Variants in MSRB2 observed in about 807,000 individuals in gnomAD.
MSRB2 encodes the protein methionine sulfoxide reductase B2.
A neutral mutation model predicts 19.0 loss-of-function variants in MSRB2; 17 were observed. The ratio of observed to expected loss-of-function variants is 0.89; its 90% CI spans 0.61 to 1.34. The LOEUF (loss-of-function observed/expected upper bound fraction) is 1.34. Among genes scored for constraint, MSRB2 ranks in the 40% most tolerant of loss-of-function variants. The pLI is 0.00. For synonymous variants in MSRB2, 107 were observed against 99.7 expected (o/e 1.07, Z -0.44); for missense variants, 208 against 237.6 (o/e 0.88, Z 0.82).
intron 1 of MSRB2, 96 bp downstream of exon 1, chr10:23,095,822 C>A (rs1446473580): frequency 2.5e-6 from 2 of 815,190 alleles, no homozygotes; most frequent in East Asian, 3.6e-5. Context: ...CCAGGCCGGG[C>A]GCTGCCCTCC....
chr10:23,095,784 C>T, intron 1 of MSRB2, 58 bp downstream of exon 1: 2 of 1,140,624 alleles, frequency 1.8e-6, no homozygotes, highest in Non-Finnish European at 2.2e-6. Flanking sequence ...TTCATTTCAC[C>T]GGCTGCACCC....
intron 1 of MSRB2, among the ~76,000 whole-genome samples, chr10:23,102,156 G>A (rs903062327): frequency 1.1e-4 from 17 of 152,044 alleles, no homozygotes; most frequent in African/African-American, 3.9e-4. Flanking sequence ...AGACACACAC[G>A]CGCAAACGTA....
chr10:23,095,915 G>A (rs905195339), intron 1 of MSRB2, among the ~76,000 whole-genome samples, 189 bp downstream of exon 1: 1 of 151,930 alleles, frequency 6.6e-6, no homozygotes, highest in African/African-American at 2.4e-5. Flanking sequence ...TGGCGGCAGG[G>A]TGGGGACTGA....
chr10:23,120,945 T>G lies in MSRB2; in HGVS notation c.*83T>G. 1 of 1,115,650 alleles carries G rather than the reference T, an allele frequency of 9.0e-7. No homozygotes were observed. The highest frequency in any genetic ancestry group is 1.3e-6 in the Non-Finnish European group (1 of 758,630). 69.1% of individuals were successfully genotyped at this position (1,115,650 alleles called of 1,614,324 possible). ...AATTCACTTGAATGACTTGTTTTAT[T>G]TGCAATAAAACTGGGCTGAATTTGC... On this transcript the variant is annotated 3_prime_UTR_variant, in exon 5 of 5. Coordinates refer to ENST00000376510, the MANE Select transcript of MSRB2 (RefSeq NM_012228.4).
intron 3 of MSRB2, among the ~76,000 whole-genome samples, chr10:23,110,885 A>G (rs921750935): frequency 6.6e-6 from 1 of 152,178 alleles, no homozygotes; most frequent in African/African-American, 2.4e-5. Context: ...ATCTCTCAAC[A>G]AAGGCTTTTT....
In MSRB2 at chr10:23,110,152, T is replaced by C. The variant is rs944831653; in HGVS notation, c.220-90T>C. ...CAAATTAGTACAGAAATTCCTTGAT[T>C]TGGGGACTTACCCAGGATTTAAATC... On this transcript the variant is annotated intron_variant, in intron 2 of 4. Coordinates refer to ENST00000376510, the MANE Select transcript of MSRB2 (RefSeq NM_012228.4). 7 of 971,438 alleles carry C rather than the reference T, an allele frequency of 7.2e-6. No individual in the cohort carries two copies. In the African/African-American group the frequency reaches 8.1e-5, roughly 11 times the overall value. The allele number at this position is 971,438 out of a possible 1,614,324, so 60.2% of individuals were successfully genotyped here. A position where few individuals can be genotyped will look rare whatever the true frequency, so the allele number is the denominator to read the frequency against.
intron 2 of MSRB2, among the ~76,000 whole-genome samples, chr10:23,106,229 T>A (rs1235448649): frequency 1.3e-5 from 2 of 152,240 alleles, no homozygotes; most frequent in South Asian, 4.1e-4. Flanking sequence ...TTTAACTTTT[T>A]AGAGTATTGC....
chr10:23,104,215 T>C lies in MSRB2; in HGVS notation c.190T>C (p.Tyr64His). 6.2e-7 allele frequency: 1 copy of C among 1,613,894 alleles called. No homozygotes were observed. Reference protein sequence around the residue: ...WQKKLTPEQFYVTREKGTEPP... With the variant: ...WQKKLTPEQFHVTREKGTEPP... ...AAAGAAACTAACCCCGGAGCAGTTC[T>C]ACGTCACAAGAGAAAAGGGAACGGA... Residue 64 changes from tyrosine to histidine, a missense_variant, in exon 2 of 5, where the codon TAC becomes CAC. Coordinates refer to ENST00000376510, the MANE Select transcript of MSRB2 (RefSeq NM_012228.4).
At chr10:23,098,189 A>T (rs1339033299) in intron 1 of MSRB2, among the ~76,000 whole-genome samples, 1 of 152,216 alleles carries the variant, frequency 6.6e-6, no homozygotes, top group East Asian at 1.9e-4. Context: ...TTTTAATACC[A>T]GTTTCTAAAG....
In MSRB2 at chr10:23,095,863, C is replaced by A. The variant is rs576646295; in HGVS notation, c.118+137C>A. On this transcript the variant is annotated intron_variant, in intron 1 of 4. Transcript: ENST00000376510. ...AGCCCTCCTCGGCGCGCCCCTCCCC[C>A]CCCCCAGCCCGAGGATCTGGGACAG... 2.4e-4 allele frequency: 111 copies of A among 464,420 alleles called. No individual in the cohort carries two copies. The East Asian group carries it at 2.9e-3, about 12-fold the overall frequency. The allele number at this position is 464,420 out of a possible 1,614,324, so 28.8% of individuals were successfully genotyped here. A position where few individuals can be genotyped will look rare whatever the true frequency, so the allele number is the denominator to read the frequency against.
In MSRB2 at chr10:23,096,352, C is replaced by CTGTGTGTGTGTGTGTGTGTGTG. The variant is rs767702970; in HGVS notation, c.118+647_118+648insGTGTGTGTGTGTGTGTGTGTGT. Among the ~76,000 whole-genome samples, 764 of 142,814 alleles carry CTGTGTGTGTGTGTGTGTGTGTG rather than the reference C, an allele frequency of 5.3e-3. 13 individuals are homozygous for CTGTGTGTGTGTGTGTGTGTGTG. The highest frequency in any genetic ancestry group is 0.019 in the African/African-American group (677 of 36,556). 93.7% of individuals were successfully genotyped at this position (142,814 alleles called of 152,430 possible). A position where few individuals can be genotyped will look rare whatever the true frequency, so the allele number is the denominator to read the frequency against. On this transcript the variant is annotated intron_variant, in intron 1 of 4. Coordinates refer to ENST00000376510, the MANE Select transcript of MSRB2 (RefSeq NM_012228.4). ...TGTGTGTGTGTGTCTCTCTCTCTCTCTGTGTGTGTGTGTGTGTGTGTTTCT... is the reference window on the plus strand; with the variant it reads ...TGTGTGTGTGTGTCTCTCTCTCTCTCTGTGTGTGTGTGTGTGTGTGTGTGTGTGTGTGTGTGTGTGTGTTTCT...
chr10:23,096,352 C>CTCTGTGTGTGTGTGTGTG (rs144653384), intron 1 of MSRB2, among the ~76,000 whole-genome samples: 1,647 of 142,812 alleles, frequency 0.012, 33 homozygotes, highest in African/African-American at 0.036. Context: ...CTCTCTCTCT[C>CTCTGTGTGTGTGTGTGTG]TGTGTGTGTG....
chr10:23,111,865 T>G (rs1442903575), intron 3 of MSRB2, among the ~76,000 whole-genome samples: 1 of 7,720 alleles, frequency 1.3e-4, no homozygotes, highest in African/African-American at 3.8e-4. Flanking sequence ...AATTTAAACT[T>G]AAATTTAATT....
Position 23,095,633 on chromosome 10 carries a change from C to A in MSRB2, c.25C>A (p.Arg9=). The change falls in exon 1 of 5, where the codon CGG becomes AGG. Residue 9 remains arginine, a synonymous_variant. Coordinates refer to ENST00000376510, the MANE Select transcript of MSRB2 (RefSeq NM_012228.4). ...CATGGCGCGGCTCCTCTGGTTGCTC[C>A]GGGGCCTGACCCTCGGAACTGCGCC... MARLLWLL[R]GLTLGTAPRR... The A allele has an allele frequency of 2.1e-6, 3 of 1,462,802 alleles. No individual in the cohort carries two copies. The highest frequency in any genetic ancestry group is 1.8e-6 in the Non-Finnish European group (2 of 1,113,394). 90.6% of individuals were successfully genotyped at this position (1,462,802 alleles called of 1,614,324 possible). A position where few individuals can be genotyped will look rare whatever the true frequency, so the allele number is the denominator to read the frequency against.
chr10:23,096,352 C>CTG (rs767702970), intron 1 of MSRB2, among the ~76,000 whole-genome samples: 29,165 of 142,784 alleles, frequency 0.2, 3,451 homozygotes, highest in Middle Eastern at 0.34. Flanking sequence ...CTCTCTCTCT[C>CTG]TGTGTGTGTG....
At chr10:23,120,679 T>C in intron 4 of MSRB2, 79 bp from the exon 5 acceptor site, 2 of 1,061,946 alleles carry the variant, frequency 1.9e-6, no homozygotes, top group South Asian at 1.5e-5. Flanking sequence ...GGAGTGATTT[T>C]GGGGGGGTTC....
chr10:23,119,587 T>C (rs902662098), intron 4 of MSRB2, 136 bp downstream of exon 4: 40 of 1,056,712 alleles, frequency 3.8e-5, no homozygotes, highest in African/African-American at 9.6e-5. Flanking sequence ...GGTTTCTTTT[T>C]TGTTTTGCTT....
At chr10:23,118,127 T>C (rs1489917526) in intron 3 of MSRB2, among the ~76,000 whole-genome samples, 2 of 152,172 alleles carry the variant, frequency 1.3e-5, no homozygotes, top group Admixed American at 1.3e-4. Flanking sequence ...AATGTTGACA[T>C]ACGTAACTCA....
intron 3 of MSRB2, among the ~76,000 whole-genome samples, chr10:23,111,339 T>C (rs1312546878): frequency 6.6e-6 from 1 of 152,230 alleles, no homozygotes; most frequent in Non-Finnish European, 1.5e-5. Context: ...GACCTTTGGT[T>C]GTGTTAAAGA....
Sources: allele counts gnomAD v4.1 joint callset (sites outside exome capture counted in the v4.1 genomes callset), GRCh38; gene constraint gnomAD v4.1.1; transcripts MANE v1.5; gene names NCBI Gene and HGNC (gene_info 2026-07-23, HGNC 2026-07-21).